MRM3: variants seen among roughly 807,000 people sequenced by gnomAD.
MRM3 encodes mitochondrial rRNA methyltransferase 3, also known as rRNA methyltransferase 3, mitochondrial.
A neutral mutation model predicts 29.4 loss-of-function variants in MRM3; 26 were observed. That is an observed-to-expected ratio of 0.89 (90% CI 0.65 to 1.23). MRM3 has a LOEUF of 1.23. Ranked by LOEUF, MRM3 falls within the 50% of genes most tolerant of loss-of-function variation. The pLI is 0.00. For missense variants in MRM3, 578 were observed against 540.2 expected, an observed-to-expected ratio of 1.07 and a Z score of -0.69; for synonymous variants, 225 against 219.0, an observed-to-expected ratio of 1.03 and a Z score of -0.24.
chr17:790,372 C>T (rs1278093255), intron 3 of MRM3: 2 of 157,080 alleles, frequency 1.3e-5, no homozygotes, highest in Non-Finnish European at 2.8e-5. Flanking sequence ...CTGATTCTGT[C>T]ACTGCTTTGC....
Position 792,178 on chromosome 17 carries a change from G to T in MRM3, c.*109G>T. On this transcript the variant is annotated 3_prime_UTR_variant, in exon 4 of 4. Coordinates refer to ENST00000304478, the MANE Select transcript of MRM3 (RefSeq NM_018146.4). ...CTATGGCCCCCACGTTCAGGAGGAA[G>T]GTGTGATGCCGTCATACAGTTACAG... 1 of 1,090,174 alleles carries T rather than the reference G, an allele frequency of 9.2e-7. No homozygotes were observed. The highest frequency in any genetic ancestry group is 1.3e-6 in the Non-Finnish European group (1 of 757,622). 67.5% of individuals were successfully genotyped at this position (1,090,174 alleles called of 1,614,324 possible). A position where few individuals can be genotyped will look rare whatever the true frequency, so the allele number is the denominator to read the frequency against.
At chr17:789,854 G>A (rs2144527519) in intron 3 of MRM3, 1 of 152,378 alleles carries the variant, frequency 6.6e-6, no homozygotes, top group South Asian at 2.1e-4. Flanking sequence ...AATACTTGGT[G>A]TGGTGCCCAG....
chr17:789,399 G>T (rs764552793), intron 3 of MRM3, among the ~76,000 whole-genome samples: 2 of 152,096 alleles, frequency 1.3e-5, no homozygotes, highest in Non-Finnish European at 2.9e-5. Context: ...CACATGCCCC[G>T]CACACAAATT....
In MRM3 at chr17:792,195, C is replaced by T; in HGVS notation, c.*126C>T. ...AGGAGGAAGGTGTGATGCCGTCATA[C>T]AGTTACAGGAAAAATAAGAACTTCC... On this transcript the variant is annotated 3_prime_UTR_variant, in exon 4 of 4. Coordinates refer to ENST00000304478, the MANE Select transcript of MRM3 (RefSeq NM_018146.4). 1.1e-6 allele frequency: 1 copy of T among 898,102 alleles called. No individual in the cohort carries two copies. Among genetic ancestry groups the T allele is most frequent in the South Asian group, 1.9e-5 (1 of 53,536 alleles). 55.6% of individuals were successfully genotyped at this position (898,102 alleles called of 1,614,324 possible).
chr17:782,738 G>A (rs1329416589), intron 1 of MRM3, 46 bp downstream of exon 1: 8 of 1,543,798 alleles, frequency 5.2e-6, no homozygotes, highest in African/African-American at 1.4e-5. Flanking sequence ...TTCCCTTCCC[G>A]TCGCACAGCG....
rs1227750155 is a variant in MRM3 at position 787,383 on chromosome 17, AAC to A, written c.560-578_560-577del. Among the ~76,000 whole-genome samples the A allele has an allele frequency of 1.3e-5, 2 of 152,230 alleles. No individual in the cohort carries two copies. The highest frequency in any genetic ancestry group is 2.9e-5 in the Non-Finnish European group (2 of 68,044). ...ATACAGAGTATGACACGGAATGTAA[AAC>A]ACATTTACATATGGACAGGTGTGCA... On this transcript the variant is annotated intron_variant, in intron 2 of 3. Transcript: ENST00000304478. The surrounding 1 kb of genome is among the most constrained non-coding windows in gnomAD (Gnocchi z 4.1).
chr17:783,119 G>A lies in MRM3; in HGVS notation c.351G>A (p.Arg117=), dbSNP rs1479713687. ...VMTIVKSRPF[R]EKQGKILLEG... ...CAATAGTAAAGTCCAGGCCATTTCG[G>A]GAAAAACAAGGGAAGATCCTGCTGG... Residue 117 remains arginine (R), a synonymous_variant, in exon 2 of 4, where the codon CGG becomes CGA. Transcript: ENST00000304478. 1 of 1,613,970 alleles carries A rather than the reference G, an allele frequency of 6.2e-7. No homozygotes were observed. The highest frequency in any genetic ancestry group is 1.7e-5 in the Admixed American group (1 of 60,016).
In MRM3 at chr17:788,044, T is replaced by C; in HGVS notation, c.639T>C (p.Ile213=). ...QLQHSLPLLL[I]CDNLRDPGNL... is the part of the protein sequence containing the mutation. ...AGCATTCACTGCCTTTATTATTGAT[T>C]TGTGACAATCTCCGTGACCCTGGGA... Residue 213 remains isoleucine (I), a synonymous_variant, in exon 3 of 4, where the codon ATT becomes ATC. Coordinates refer to ENST00000304478, the MANE Select transcript of MRM3 (RefSeq NM_018146.4). 1 of 1,614,164 alleles carries C rather than the reference T, an allele frequency of 6.2e-7. No homozygotes were observed. The highest frequency in any genetic ancestry group is 8.5e-7 in the Non-Finnish European group (1 of 1,179,992).
intron 2 of MRM3, 177 bp downstream of exon 2, chr17:783,504 T>C (rs1311570420): frequency 1.8e-6 from 1 of 559,260 alleles, no homozygotes; most frequent in Non-Finnish European, 2.9e-6. Flanking sequence ...GCCCGGGTGA[T>C]TTTTGTATTT....
At chr17:790,795 G>A (rs56256631) in intron 3 of MRM3, among the ~76,000 whole-genome samples, 405 of 31,392 alleles carry the variant, frequency 0.013, 147 homozygotes, top group African/African-American at 0.064. Context: ...CCGCCACAGC[G>A]CCACCGCTGA....
In MRM3 at chr17:787,856, C is replaced by T; in HGVS notation, c.560-109C>T. 8.5e-7 allele frequency: 1 copy of T among 1,171,092 alleles called. No individual in the cohort carries two copies. The highest frequency in any genetic ancestry group is 1.3e-5 in the South Asian group (1 of 75,702). The allele number at this position is 1,171,092 out of a possible 1,614,324, so 72.5% of individuals were successfully genotyped here. On this transcript the variant is annotated intron_variant, in intron 2 of 3. Coordinates refer to ENST00000304478, the MANE Select transcript of MRM3 (RefSeq NM_018146.4). The surrounding 1 kb of genome is among the most constrained non-coding windows in gnomAD (Gnocchi z 4.1). ...GAGCCAGTACACCTGGCCTGTATTCCTGTATTTTTATGTAACTAAGACCAT... is the reference window on the plus strand; with the variant it reads ...GAGCCAGTACACCTGGCCTGTATTCTTGTATTTTTATGTAACTAAGACCAT...
In MRM3 at chr17:783,345, G is replaced by T. The variant is rs769610128; in HGVS notation, c.559+18G>T. 1.4e-4 allele frequency: 210 copies of T among 1,462,714 alleles called. 1 individual carries two copies. Among genetic ancestry groups the T allele is most frequent in the Non-Finnish European group, 1.8e-4 (200 of 1,100,754 alleles). The allele number at this position is 1,462,714 out of a possible 1,614,324, so 90.6% of individuals were successfully genotyped here. On this transcript the variant is annotated intron_variant, in intron 2 of 3. Transcript: ENST00000304478. Reference sequence around the variant, plus strand: ...AATAATGGGTTAGTGATTACCCAGTGTATCTTTTTTTTTTTTTGTCTTGTT... The same window carrying T: ...AATAATGGGTTAGTGATTACCCAGTTTATCTTTTTTTTTTTTTGTCTTGTT...
At chr17:786,969 A>G (rs894478009) in intron 2 of MRM3, among the ~76,000 whole-genome samples, 1 of 151,666 alleles carries the variant, frequency 6.6e-6, no homozygotes, top group Non-Finnish European at 1.5e-5. Context: ...GAGGCTGGGC[A>G]TGGTGGCTCA....
At position 782,496 on chromosome 17, in the gene MRM3, G is replaced by A; in HGVS notation, c.118G>A (p.Val40Met). ...VRALRRSPVK[V>M]VFPSGEVVEQ... ...GGCGCTGCGGCGGAGCCCAGTGAAA[G>A]TGGTGTTTCCTTCCGGAGAGGTGGT... Residue 40 changes from valine (V) to methionine (M), a missense_variant, in exon 1 of 4, where the codon GTG (valine) becomes ATG (methionine). Physicochemically the swap from Val to Met is conservative, Grantham distance 21. Coordinates refer to ENST00000304478, the MANE Select transcript of MRM3 (RefSeq NM_018146.4). The A allele has an allele frequency of 1.9e-6, 3 of 1,613,624 alleles. No individual in the cohort carries two copies. Among genetic ancestry groups the A allele is most frequent in the Non-Finnish European group, 2.5e-6 (3 of 1,179,578 alleles).
chr17:786,366 C>T (rs564691262), intron 2 of MRM3, among the ~76,000 whole-genome samples: 5 of 152,254 alleles, frequency 3.3e-5, no homozygotes, highest in South Asian at 4.1e-4. Flanking sequence ...GTCCGCCTCC[C>T]GGGTTCACAC....
At chr17:785,138 A>G (rs766689516) in intron 2 of MRM3, among the ~76,000 whole-genome samples, 5 of 152,082 alleles carry the variant, frequency 3.3e-5, no homozygotes, top group Non-Finnish European at 5.9e-5. Flanking sequence ...AATTATACAT[A>G]AAGAGTTTAG....
chr17:791,988 G>A lies in MRM3; in HGVS notation c.1182G>A (p.Ala394=), dbSNP rs1209224768. ...PGVDSLNSAM[A]ASILLFEGKR... is the part of the protein sequence containing the mutation. ...TGGACAGCCTCAACTCGGCCATGGCGGCAAGCATCCTGCTTTTCGAAGGGA... is the reference window on the plus strand; with the variant it reads ...TGGACAGCCTCAACTCGGCCATGGCAGCAAGCATCCTGCTTTTCGAAGGGA... Residue 394 remains alanine (A), a synonymous_variant, in exon 4 of 4, where the codon GCG becomes GCA. Coordinates refer to ENST00000304478, the MANE Select transcript of MRM3 (RefSeq NM_018146.4). 24 of 1,613,970 alleles carry A rather than the reference G, an allele frequency of 1.5e-5. No individual in the cohort carries two copies. Among genetic ancestry groups the A allele is most frequent in the Non-Finnish European group, 1.8e-5 (21 of 1,180,028 alleles).
intron 2 of MRM3, among the ~76,000 whole-genome samples, chr17:786,577 AT>A (rs1426589606): frequency 1.3e-5 from 2 of 151,646 alleles, no homozygotes; most frequent in Admixed American, 1.3e-4. Context: ...GCCTGGCCTA[AT>A]TTTTGTATTT....
rs1910614131 is a variant in MRM3 at position 787,919 on chromosome 17, C to T, written c.560-46C>T. The T allele has an allele frequency of 1.9e-6, 3 of 1,573,514 alleles. No individual in the cohort carries two copies. Among genetic ancestry groups the T allele is most frequent in the Admixed American group, 1.7e-5 (1 of 59,570 alleles). ...AAGTAAATGAAAAGTCAGACTATTC[C>T]CCGTGCCCACACCAGGCAAGTAAAC... is the stretch of plus-strand genomic sequence containing the variant. On this transcript the variant is annotated intron_variant, in intron 2 of 3. Coordinates refer to ENST00000304478, the MANE Select transcript of MRM3 (RefSeq NM_018146.4). This position sits in a 1 kb window ranked among gnomAD's most constrained non-coding sequence, Gnocchi z 4.1.
Sources: gnomAD v4.1 joint callset for allele counts (sites outside exome capture counted in the v4.1 genomes callset) on GRCh38, gnomAD v4.1.1 for gene constraint, Gnocchi (gnomAD v3.1) non-coding constraint, MANE v1.5 for transcripts, NCBI Gene and HGNC (gene_info 2026-07-23, HGNC 2026-07-21) for gene names.